Variants in SCFD2 observed in about 807,000 individuals in gnomAD.
SCFD2 encodes the protein sec1 family domain containing 2.
SCFD2 carries 54 observed loss-of-function variants against 58.9 expected under a neutral mutation model. The ratio of observed to expected loss-of-function variants is 0.92; its 90% CI spans 0.74 to 1.15. SCFD2 has a LOEUF of 1.15. Ranked by LOEUF, SCFD2 falls within the 50% of genes most tolerant of loss-of-function variation. The pLI, the probability that SCFD2 is intolerant of heterozygous loss-of-function variation, is 0.00. For missense variants in SCFD2, 805 were observed against 836.6 expected (o/e 0.96, Z 0.47); for synonymous variants, 321 against 335.9 (o/e 0.96, Z 0.49).
At chr4:52,918,325 T>G (rs982294609) in intron 6 of SCFD2, among the ~76,000 whole-genome samples, 5 of 152,234 alleles carry the variant, frequency 3.3e-5, no homozygotes, top group African/African-American at 1.2e-4. Context: ...TGATCTGTAA[T>G]AAATATATAT....
chr4:53,303,820 G>A (rs905429900), intron 3 of SCFD2, among the ~76,000 whole-genome samples: 1 of 145,934 alleles, frequency 6.9e-6, no homozygotes, highest in Non-Finnish European at 1.6e-5. Context: ...GATGAAGCTG[G>A]AAACCATCAT....
At chr4:53,001,577 T>A (rs1388489006) in intron 5 of SCFD2, among the ~76,000 whole-genome samples, 1 of 152,204 alleles carries the variant, frequency 6.6e-6, no homozygotes, top group Non-Finnish European at 1.5e-5. Flanking sequence ...GTTTTCCACA[T>A]GAAAGGTAGA....
intron 5 of SCFD2, among the ~76,000 whole-genome samples, chr4:53,006,844 G>T (rs1397692238): frequency 6.6e-6 from 1 of 152,118 alleles, no homozygotes; most frequent in Admixed American, 6.5e-5. Flanking sequence ...AACAGGCTGG[G>T]TAGAGGCCCT....
chr4:53,254,859 T>A (rs866176713), intron 4 of SCFD2, among the ~76,000 whole-genome samples: 46 of 100,534 alleles, frequency 4.6e-4, no homozygotes, highest in East Asian at 1.3e-3. Context: ...TATTTTATTT[T>A]ATTTATTTTA....
At chr4:53,254,975 C>T (rs1441967331) in intron 4 of SCFD2, among the ~76,000 whole-genome samples, 1 of 150,412 alleles carries the variant, frequency 6.6e-6, no homozygotes, top group Non-Finnish European at 1.5e-5. Flanking sequence ...TGGGTTCACG[C>T]CATTCTCCTG....
intron 5 of SCFD2, among the ~76,000 whole-genome samples, chr4:52,979,889 C>T (rs1659616945): frequency 6.6e-6 from 1 of 152,074 alleles, no homozygotes; most frequent in Non-Finnish European, 1.5e-5. Context: ...CCCATGAGAT[C>T]TCTTGTTCCC....
At position 53,136,044 on chromosome 4, in the gene SCFD2, AT is replaced by A. The variant is rs1725927322; in HGVS notation, c.1561+9288del. ...CAACTTCAGCACTGTCTTTAAATAAATTTATCTTTTATAAATCACAACTGTA... is the reference window on the plus strand; with the variant it reads ...CAACTTCAGCACTGTCTTTAAATAAATTATCTTTTATAAATCACAACTGTA... On this transcript the variant is annotated intron_variant, in intron 5 of 8. Transcript: ENST00000401642. Among the ~76,000 whole-genome samples the A allele has an allele frequency of 3.3e-5, 5 of 152,354 alleles. No homozygotes were observed. In the South Asian group the frequency reaches 1.0e-3, roughly 32 times the overall value.
At chr4:53,276,494 A>T (rs1731332385) in intron 3 of SCFD2, among the ~76,000 whole-genome samples, 1 of 152,062 alleles carries the variant, frequency 6.6e-6, no homozygotes, top group Non-Finnish European at 1.5e-5. Context: ...TCAGAGGTAC[A>T]TGTACTGGTT....
intron 4 of SCFD2, among the ~76,000 whole-genome samples, chr4:53,161,369 T>C (rs1315885855): frequency 1.3e-5 from 2 of 152,176 alleles, no homozygotes; most frequent in Non-Finnish European, 2.9e-5. Context: ...TACTTAGAGT[T>C]CTTACTACAG....
At chr4:53,220,388 T>C (rs1397439008) in intron 4 of SCFD2, among the ~76,000 whole-genome samples, 4 of 152,226 alleles carry the variant, frequency 2.6e-5, no homozygotes, top group Admixed American at 1.3e-4. Context: ...GTAAGTTGTG[T>C]GAAGGCAGGG....
Position 53,230,335 on chromosome 4 carries a change from C to T in SCFD2, c.1311+43491G>A, listed in dbSNP as rs529904120. On this transcript the variant is annotated intron_variant, in intron 4 of 8. Coordinates refer to ENST00000401642, the MANE Select transcript of SCFD2 (RefSeq NM_152540.4). ...GACACATGCACATGTATGTTTATTG[C>T]GGCACTATTCACAATAGCAAAGACT... Among the ~76,000 whole-genome samples, 65 of 152,126 alleles carry T rather than the reference C, an allele frequency of 4.3e-4. No individual in the cohort carries two copies. The South Asian group carries it at 4.6e-3, about 11-fold the overall frequency.
chr4:53,190,216 C>T lies in SCFD2; in HGVS notation c.1312-44634G>A, dbSNP rs1385303283. ...AAAAATAATCCCCAATCACTGGCAT[C>T]TTCTACTTGACTACTGAGAAACAGC... On this transcript the variant is annotated intron_variant, in intron 4 of 8. Transcript: ENST00000401642. 3.3e-4 allele frequency among the ~76,000 whole-genome samples: 5 copies of T among 15,252 alleles called. No individual in the cohort carries two copies. In the East Asian group the frequency reaches 0.011, roughly 33 times the overall value. 10.0% of individuals were successfully genotyped at this position (15,252 alleles called of 152,430 possible). A position where few individuals can be genotyped will look rare whatever the true frequency, so the allele number is the denominator to read the frequency against.
chr4:52,997,421 T>C (rs75368031), intron 5 of SCFD2, among the ~76,000 whole-genome samples: 5,755 of 152,304 alleles, frequency 0.038, 143 homozygotes, highest in Admixed American at 0.06. Flanking sequence ...AAAAAGCCTA[T>C]TGTAGTGTGT....
At chr4:52,921,480 G>A (rs1034452253) in intron 5 of SCFD2, among the ~76,000 whole-genome samples, 1 of 151,898 alleles carries the variant, frequency 6.6e-6, no homozygotes, top group African/African-American at 2.4e-5. Context: ...TCATTCAGAG[G>A]AGACATGATC....
At chr4:53,247,006 A>G (rs1730102127) in intron 4 of SCFD2, among the ~76,000 whole-genome samples, 1 of 151,500 alleles carries the variant, frequency 6.6e-6, no homozygotes, top group South Asian at 2.1e-4. Flanking sequence ...CAAAAAAAAA[A>G]AAAAAACTCC....
At chr4:52,955,922 C>A (rs553999244) in intron 5 of SCFD2, 13 of 374,680 alleles carry the variant, frequency 3.5e-5, no homozygotes, top group African/African-American at 2.5e-4. Flanking sequence ...GGGAATACTT[C>A]CTAAGGACAG....
chr4:53,361,605 C>G (rs150931710), intron 1 of SCFD2, among the ~76,000 whole-genome samples: 2 of 152,284 alleles, frequency 1.3e-5, no homozygotes, highest in African/African-American at 4.8e-5. Context: ...CTCTGTTGCC[C>G]AGGCTGTTCT....
chr4:52,974,869 A>G (rs1721208551), intron 5 of SCFD2, among the ~76,000 whole-genome samples: 1 of 152,170 alleles, frequency 6.6e-6, no homozygotes, highest in Non-Finnish European at 1.5e-5. Context: ...AATGCCGCAT[A>G]TCTACAACCA....
Position 52,943,860 on chromosome 4 carries a change from C to T in SCFD2, c.1562-22990G>A, listed in dbSNP as rs888086591. ...TTCTTCTCCCAACCCTTCAATGTGC[C>T]TAAAATAGAACCATGTGGGAGGGCT... On this transcript the variant is annotated intron_variant, in intron 5 of 8. Transcript: ENST00000401642. 5.9e-5 allele frequency among the ~76,000 whole-genome samples: 9 copies of T among 152,200 alleles called. No homozygotes were observed. The East Asian group carries it at 1.7e-3, about 29-fold the overall frequency.
Sources: gnomAD v4.1 joint callset for allele counts (sites outside exome capture counted in the v4.1 genomes callset) on GRCh38, gnomAD v4.1.1 for gene constraint, MANE v1.5 for transcripts, NCBI Gene and HGNC (gene_info 2026-07-23, HGNC 2026-07-21) for gene names.